The following CTNNA2 variants were observed in gnomAD, a reference collection of about 807,000 sequenced individuals.
CTNNA2 encodes catenin alpha-2.
In CTNNA2, 42 loss-of-function variants were observed where a neutral mutation model predicts 101.0. That is an observed-to-expected ratio of 0.42 (90% CI 0.32 to 0.54). The LOEUF is 0.54. Among genes scored for constraint, CTNNA2 ranks in the 20% least tolerant of loss-of-function variants. CTNNA2 has a pLI of 0.14. For missense variants in CTNNA2, 871 were observed against 1,223.1 expected, an observed-to-expected ratio of 0.71 and a Z score of 4.29; for synonymous variants, 450 against 456.4, an observed-to-expected ratio of 0.99 and a Z score of 0.18.
intron 4 of CTNNA2, among the ~76,000 whole-genome samples, chr2:79,479,738 C>T (rs1671088541): frequency 6.6e-6 from 1 of 152,004 alleles, no homozygotes; most frequent in Non-Finnish European, 1.5e-5. Context: ...GCCTGGCCAA[C>T]ATGGTGAAAC....
chr2:79,642,382 T>C (rs967337881), intron 1 of CTNNA2, among the ~76,000 whole-genome samples: 5 of 152,204 alleles, frequency 3.3e-5, no homozygotes, highest in African/African-American at 1.2e-4. Flanking sequence ...TGCATATCAC[T>C]GCAATTTTGA....
chr2:80,028,112 GAAAAGCCTAGACTTCC>G (rs1315517094), intron 7 of CTNNA2: 1 of 151,672 alleles, frequency 6.6e-6, no homozygotes, highest in African/African-American at 2.4e-5. Flanking sequence ...ACTATTTACT[GAAAAGCCTAGACTTCC>G]AAATTGGTTG....
At position 79,467,875 on chromosome 2, in the gene CTNNA2, G is replaced by A. The variant is rs189164478; in HGVS notation, c.-134-37179G>A. 4.7e-3 allele frequency among the ~76,000 whole-genome samples: 722 copies of A among 152,264 alleles called. 7 individuals carry two copies. The highest frequency in any genetic ancestry group is 0.016 in the African/African-American group (661 of 41,544). On this transcript the variant is annotated intron_variant, in intron 4 of 21. Coordinates refer to the CTNNA2 transcript ENST00000466387. ...GCTTGCCCTACAAGAGCTCCTGAAG[G>A]AAGCACTAAACATGGAAAGGAACAA... is the stretch of plus-strand genomic sequence containing the variant.
chr2:79,564,173 G>A (rs1379835922), intron 1 of CTNNA2, among the ~76,000 whole-genome samples: 1 of 151,652 alleles, frequency 6.6e-6, no homozygotes, highest in Non-Finnish European at 1.5e-5. Flanking sequence ...AGCTGATATT[G>A]TAAAGAACAT....
rs571102914 is a variant in CTNNA2 at position 80,540,048 on chromosome 2, A to G, written c.1291-4934A>G. Among the ~76,000 whole-genome samples, 86 of 152,232 alleles carry G rather than the reference A, an allele frequency of 5.6e-4. 1 individual carries two copies. In the Middle Eastern group the frequency reaches 0.01, roughly 18 times the overall value. On this transcript the variant is annotated intron_variant, in intron 9 of 18. Transcript: ENST00000402739. Reference sequence around the variant, plus strand: ...TCAAAATTCTATCAGATTTAATTGTATTGTTCAACATCTTTGGGGTTGCAA... The same window carrying G: ...TCAAAATTCTATCAGATTTAATTGTGTTGTTCAACATCTTTGGGGTTGCAA...
chr2:79,586,339 C>T (rs1676484185), intron 1 of CTNNA2, among the ~76,000 whole-genome samples: 1 of 105,584 alleles, frequency 9.5e-6, no homozygotes, highest in African/African-American at 3.7e-5. Flanking sequence ...CTCTGTCAGC[C>T]TTGTGGTCAG....
chr2:79,204,773 T>C (rs930209243), intron 2 of CTNNA2, among the ~76,000 whole-genome samples: 1 of 152,172 alleles, frequency 6.6e-6, no homozygotes, highest in Non-Finnish European at 1.5e-5. Flanking sequence ...GATTGTTGCA[T>C]CCTCCAGAGA....
intron 7 of CTNNA2, among the ~76,000 whole-genome samples, chr2:80,311,838 G>C (rs2149228848): frequency 6.6e-6 from 1 of 152,286 alleles, no homozygotes; most frequent in South Asian, 2.1e-4. Flanking sequence ...CACTAAACCA[G>C]AACAGTTTTG....
At chr2:79,861,042 T>G (rs1042054332) in intron 4 of CTNNA2, among the ~76,000 whole-genome samples, 2 of 152,216 alleles carry the variant, frequency 1.3e-5, no homozygotes, top group Non-Finnish European at 2.9e-5. Context: ...TCTCAAGGAT[T>G]TTTTTAAATA....
At chr2:79,222,087 G>A (rs757621066) in intron 2 of CTNNA2, among the ~76,000 whole-genome samples, 53 of 152,154 alleles carry the variant, frequency 3.5e-4, no homozygotes, top group Non-Finnish European at 5.6e-4. Context: ...CTCAGAACTG[G>A]CTGTGTTCAG....
At chr2:79,839,292 A>G (rs888513306) in intron 3 of CTNNA2, among the ~76,000 whole-genome samples, 3 of 152,078 alleles carry the variant, frequency 2.0e-5, no homozygotes, top group Non-Finnish European at 4.4e-5. Flanking sequence ...TGCTAACAGT[A>G]TAATTTTTTA....
intron 3 of CTNNA2, among the ~76,000 whole-genome samples, chr2:79,784,404 C>T (rs1674683717): frequency 6.6e-6 from 1 of 151,400 alleles, no homozygotes; most frequent in Admixed American, 6.6e-5. Flanking sequence ...TGTAGCAGCT[C>T]TACCCTGGTG....
intron 3 of CTNNA2, among the ~76,000 whole-genome samples, chr2:79,839,224 A>G (rs1679617646): frequency 6.6e-6 from 1 of 151,970 alleles, no homozygotes; most frequent in African/African-American, 2.4e-5. Flanking sequence ...ATTTTTATTC[A>G]TTATGTTGAA....
chr2:80,621,790 T>C (rs11888780), intron 18 of CTNNA2, among the ~76,000 whole-genome samples: 7,038 of 151,946 alleles, frequency 0.046, 194 homozygotes, highest in Middle Eastern at 0.078. Flanking sequence ...GCTCCTGAAT[T>C]TGAGGAATGT....
chr2:80,037,506 A>T (rs1448696408), intron 7 of CTNNA2, among the ~76,000 whole-genome samples: 2 of 152,192 alleles, frequency 1.3e-5, no homozygotes, highest in Non-Finnish European at 2.9e-5. Context: ...ATTGTTAATG[A>T]CATTAATAGC....
intron 8 of CTNNA2, among the ~76,000 whole-genome samples, chr2:80,397,650 C>G (rs1678144355): frequency 6.6e-6 from 1 of 152,196 alleles, no homozygotes; most frequent in African/African-American, 2.4e-5. Context: ...GGTTGTGCGG[C>G]CTCCCCAACC....
intron 2 of CTNNA2, among the ~76,000 whole-genome samples, chr2:79,670,685 T>C (rs530505075): frequency 2.8e-4 from 42 of 152,338 alleles, no homozygotes; most frequent in African/African-American, 9.4e-4. Flanking sequence ...TAATACTTAG[T>C]TTTTGGCAAA....
chr2:80,426,497 G>A (rs951431801), intron 9 of CTNNA2, among the ~76,000 whole-genome samples: 1 of 152,080 alleles, frequency 6.6e-6, no homozygotes, highest in East Asian at 1.9e-4. Context: ...TATTGTGCAG[G>A]CAACTGCAGT....
intron 2 of CTNNA2, among the ~76,000 whole-genome samples, chr2:79,263,813 G>A (rs921639358): frequency 2.4e-4 from 36 of 152,190 alleles, no homozygotes; most frequent in African/African-American, 1.2e-4. Context: ...GCAGCCCCTC[G>A]ATCTTGAACT....
Sources: allele counts gnomAD v4.1 joint callset (sites outside exome capture counted in the v4.1 genomes callset), GRCh38; gene constraint gnomAD v4.1.1; transcripts MANE v1.5; gene names NCBI Gene and HGNC (gene_info 2026-07-23, HGNC 2026-07-21).